EPHA6: variants seen among roughly 807,000 people sequenced by gnomAD.
The protein encoded by EPHA6 is EPH receptor A6, also known as ephrin type-A receptor 6.
EPHA6 carries 50 observed loss-of-function variants against 112.0 expected under a neutral mutation model. The ratio of observed to expected loss-of-function variants is 0.45; its 90% confidence interval spans 0.36 to 0.56. The LOEUF (loss-of-function observed/expected upper bound fraction) is 0.56, where lower values mean the gene tolerates loss of function less well. Ranked by LOEUF, EPHA6 falls within the 20% of genes least tolerant of loss-of-function variation. The pLI is 0.00. For synonymous variants in EPHA6, 529 were observed against 490.7 expected (o/e 1.08, Z -1.03); for missense variants, 1,280 against 1,417.4 (o/e 0.90, Z 1.56).
At chr3:97,677,469 C>T (rs942727240) in intron 14 of EPHA6, among the ~76,000 whole-genome samples, 1 of 152,086 alleles carries the variant, frequency 6.6e-6, no homozygotes, top group Non-Finnish European at 1.5e-5. Context: ...GCCTGCAATC[C>T]TAGCATTTTG....
chr3:96,842,354 T>C (rs992585161), intron 1 of EPHA6, among the ~76,000 whole-genome samples: 1 of 152,058 alleles, frequency 6.6e-6, no homozygotes, highest in African/African-American at 2.4e-5. Context: ...GCCCTTTACC[T>C]GGTCTTTTAA....
At chr3:97,026,388 TC>T (rs1294175331) in intron 3 of EPHA6, among the ~76,000 whole-genome samples, 5 of 152,310 alleles carry the variant, frequency 3.3e-5, no homozygotes, top group African/African-American at 1.2e-4. Flanking sequence ...AGTTGATTCT[TC>T]CTATCCATGA....
chr3:97,745,987 C>A (rs1235328341), intron 16 of EPHA6, among the ~76,000 whole-genome samples: 2 of 151,824 alleles, frequency 1.3e-5, no homozygotes, highest in Admixed American at 1.3e-4. Context: ...ATGGTGTAAT[C>A]ATTTGTGCTC....
At chr3:97,007,520 C>T (rs2043930252) in intron 3 of EPHA6, among the ~76,000 whole-genome samples, 1 of 151,624 alleles carries the variant, frequency 6.6e-6, no homozygotes, top group Non-Finnish European at 1.5e-5. Flanking sequence ...AGATGGGTCT[C>T]CTGAATACAG....
At chr3:97,450,688 C>A (rs1452092160) in intron 7 of EPHA6, among the ~76,000 whole-genome samples, 1 of 152,008 alleles carries the variant, frequency 6.6e-6, no homozygotes, top group Non-Finnish European at 1.5e-5. Context: ...TCACAAGTAA[C>A]TCAGTACAAT....
intron 3 of EPHA6, among the ~76,000 whole-genome samples, chr3:97,114,614 C>T (rs752376536): frequency 1.1e-4 from 16 of 152,012 alleles, no homozygotes; most frequent in Non-Finnish European, 2.1e-4. Context: ...TCTCCTAGAG[C>T]TTCCCATTTA....
intron 16 of EPHA6, among the ~76,000 whole-genome samples, chr3:97,742,367 G>A (rs1170341785): frequency 2.6e-5 from 4 of 152,112 alleles, no homozygotes; most frequent in Non-Finnish European, 1.5e-5. Context: ...TAGGAACCAT[G>A]TGCTGGGTAC....
At chr3:97,016,967 T>A (rs1467717379) in intron 3 of EPHA6, among the ~76,000 whole-genome samples, 1 of 152,244 alleles carries the variant, frequency 6.6e-6, no homozygotes, top group East Asian at 1.9e-4. Context: ...TCCATTCATT[T>A]GCTGATGGAC....
intron 5 of EPHA6, among the ~76,000 whole-genome samples, chr3:97,354,011 C>CT (rs1215105769): frequency 6.6e-6 from 1 of 152,214 alleles, no homozygotes; most frequent in African/African-American, 2.4e-5. Context: ...TCTCTGATAT[C>CT]TTACTCAAGA....
At chr3:97,646,135 A>T (rs1327569684) in intron 14 of EPHA6, 1 of 1,529,052 alleles carries the variant, frequency 6.5e-7, no homozygotes, top group African/African-American at 1.4e-5. Context: ...ACAAATCACA[A>T]CAAAGAGCAA....
intron 3 of EPHA6, among the ~76,000 whole-genome samples, chr3:97,120,618 A>T (rs1262396264): frequency 1.3e-5 from 2 of 152,006 alleles, no homozygotes; most frequent in African/African-American, 4.8e-5. Flanking sequence ...ACTGTCATGT[A>T]TATGTTTTTA....
chr3:96,929,873 G>A (rs993595517), intron 2 of EPHA6, among the ~76,000 whole-genome samples: 1 of 152,128 alleles, frequency 6.6e-6, no homozygotes, highest in Non-Finnish European at 1.5e-5. Context: ...AGCAGTCATA[G>A]GTTTGGTCTC....
chr3:96,925,047 T>C (rs1044823201), intron 2 of EPHA6, among the ~76,000 whole-genome samples: 1 of 152,186 alleles, frequency 6.6e-6, no homozygotes, highest in African/African-American at 2.4e-5. Flanking sequence ...TGCCAATATT[T>C]TACTGAGGAT....
Position 96,897,104 on chromosome 3 carries a change from A to G in EPHA6, c.450+30215A>G, listed in dbSNP as rs1330941649. ...TCTTTAACAAAGTGTTTGTACAAACATCAATTGGAATTTCATGCCAATTAT... is the reference window on the plus strand; with the variant it reads ...TCTTTAACAAAGTGTTTGTACAAACGTCAATTGGAATTTCATGCCAATTAT... On this transcript the variant is annotated intron_variant, in intron 2 of 17. Coordinates refer to ENST00000389672, the MANE Select transcript of EPHA6 (RefSeq NM_001080448.3). Among the ~76,000 whole-genome samples, 3 of 152,166 alleles carry G rather than the reference A, an allele frequency of 2.0e-5. No individual in the cohort carries two copies. The East Asian group carries it at 5.8e-4, about 29-fold the overall frequency.
chr3:97,517,705 A>G (rs998403893), intron 10 of EPHA6, among the ~76,000 whole-genome samples: 2 of 152,102 alleles, frequency 1.3e-5, no homozygotes, highest in African/African-American at 4.8e-5. Context: ...CTACTGTCTA[A>G]CTGAAATTTT....
At chr3:97,729,083 A>G (rs550412552) in intron 15 of EPHA6, among the ~76,000 whole-genome samples, 1 of 152,202 alleles carries the variant, frequency 6.6e-6, no homozygotes, top group East Asian at 1.9e-4. Context: ...AAAGCTAAGA[A>G]GAAAATCTGA....
At chr3:97,233,274 G>A (rs1402244377) in intron 4 of EPHA6, among the ~76,000 whole-genome samples, 1 of 148,286 alleles carries the variant, frequency 6.7e-6, no homozygotes, top group Non-Finnish European at 1.5e-5. Context: ...ACTTTGATTA[G>A]TATGGAGTGA....
At chr3:97,597,199 T>C (rs780187003) in intron 12 of EPHA6, among the ~76,000 whole-genome samples, 5 of 151,970 alleles carry the variant, frequency 3.3e-5, no homozygotes, top group Non-Finnish European at 7.4e-5. Flanking sequence ...TGAAGGAATA[T>C]TCTTCTGAGG....
At chr3:97,617,618 C>A (rs1353895438) in intron 13 of EPHA6, among the ~76,000 whole-genome samples, 1 of 152,018 alleles carries the variant, frequency 6.6e-6, no homozygotes, top group Non-Finnish European at 1.5e-5. Flanking sequence ...ACAGAAAAAA[C>A]CAGGGTTGCC....
Sources: allele counts gnomAD v4.1 joint callset (sites outside exome capture counted in the v4.1 genomes callset), GRCh38; gene constraint gnomAD v4.1.1; transcripts MANE v1.5; gene names NCBI Gene and HGNC (gene_info 2026-07-23, HGNC 2026-07-21).